The following COBL variants were observed in gnomAD, a reference collection of about 807,000 sequenced individuals.
COBL encodes protein cordon-bleu.
Under a neutral mutation model 98.8 loss-of-function variants are expected in COBL, and 51 were observed. The observed-to-expected ratio is 0.52, with a 90% CI of 0.41 to 0.65. The LOEUF (loss-of-function observed/expected upper bound fraction) is 0.65. Among genes scored for constraint, COBL ranks in the 30% least tolerant of loss-of-function variants. The pLI is 0.00. For missense variants in COBL, 1,617 were observed against 1,617.5 expected, an observed-to-expected ratio of 1.00 and a Z score of 0.01; for synonymous variants, 634 against 651.7, an observed-to-expected ratio of 0.97 and a Z score of 0.41.
intron 5 of COBL, among the ~76,000 whole-genome samples, chr7:51,179,319 C>T (rs1191435799): frequency 6.6e-6 from 1 of 152,082 alleles, no homozygotes; most frequent in Non-Finnish European, 1.5e-5. Flanking sequence ...TCGCTGCAAC[C>T]TTCGCCTCCC....
Position 51,043,491 on chromosome 7 carries a change from G to A in COBL, c.1298C>T (p.Ala433Val), listed in dbSNP as rs758890126. 6.2e-6 allele frequency: 10 copies of A among 1,614,166 alleles called. No homozygotes were observed. In the Admixed American group the frequency reaches 6.7e-5, roughly 11 times the overall value. ...GTCACTGCAGTCTTCCTGGTCTGTGGCCCACTTGTCTTTGTATTTCATGCT... is the reference window on the plus strand; with the variant it reads ...GTCACTGCAGTCTTCCTGGTCTGTGACCCACTTGTCTTTGTATTTCATGCT... ...QDSMKYKDKW[A>V]TDQEDCSDQD... Residue 433 changes from alanine (A) to valine (V), a missense_variant, in exon 8 of 13, where the codon GCC becomes GTC. By Grantham distance (64) the Ala-to-Val change is moderately conservative. Around this residue, in one of 3 missense-constraint regions of COBL, gnomAD observed 1,304 missense variants for 1,282.0 expected, o/e 1.02. Transcript: ENST00000265136.
At chr7:51,026,705 G>A in intron 10 of COBL, 40 bp from the exon 11 acceptor site, 1 of 1,599,862 alleles carries the variant, frequency 6.3e-7, no homozygotes, top group Non-Finnish European at 8.5e-7. Context: ...CTGAGAACAT[G>A]GAGAAATGTG....
intron 2 of COBL, among the ~76,000 whole-genome samples, 169 bp from the exon 3 acceptor site, chr7:51,193,758 A>G (rs551245523): frequency 2.0e-5 from 3 of 152,226 alleles, no homozygotes; most frequent in South Asian, 4.1e-4. Context: ...TTGTAGAGCA[A>G]TATGTTAACA....
intron 1 of COBL, among the ~76,000 whole-genome samples, chr7:51,233,260 C>T (rs1794937051): frequency 6.6e-6 from 1 of 152,284 alleles, no homozygotes; most frequent in South Asian, 2.1e-4. Flanking sequence ...TCAGAAGACC[C>T]ATGGCAAAAC....
intron 6 of COBL, among the ~76,000 whole-genome samples, chr7:51,132,454 T>A (rs888100426): frequency 1.3e-5 from 2 of 152,202 alleles, no homozygotes; most frequent in Non-Finnish European, 2.9e-5. Flanking sequence ...CAGAGGAAAC[T>A]GAGGACTGGA....
intron 4 of COBL, among the ~76,000 whole-genome samples, chr7:51,187,755 A>C (rs1789684838): frequency 6.6e-6 from 1 of 152,056 alleles, no homozygotes; most frequent in Non-Finnish European, 1.5e-5. Context: ...CCAAACCAAA[A>C]TCTCATGTCA....
intron 5 of COBL, among the ~76,000 whole-genome samples, chr7:51,179,197 T>C (rs1010243634): frequency 6.6e-6 from 1 of 152,186 alleles, no homozygotes; most frequent in Non-Finnish European, 1.5e-5. Context: ...ACTGGAAGCA[T>C]TGTTAAATAA....
intron 6 of COBL, among the ~76,000 whole-genome samples, chr7:51,087,419 T>G (rs529467862): frequency 6.6e-6 from 1 of 152,232 alleles, no homozygotes. Flanking sequence ...TTGCATTTCC[T>G]GGAAATTCCC....
intron 1 of COBL, among the ~76,000 whole-genome samples, chr7:51,272,691 C>G (rs1798874499): frequency 6.6e-6 from 1 of 152,094 alleles, no homozygotes; most frequent in Admixed American, 6.5e-5. Context: ...CAAAGGGTTG[C>G]ACAAATTGGA....
chr7:51,021,460 A>C lies in COBL; in HGVS notation c.3768+3649T>G, dbSNP rs928622614. 8.5e-5 allele frequency among the ~76,000 whole-genome samples: 13 copies of C among 152,212 alleles called. No homozygotes were observed. In the East Asian group the frequency reaches 2.3e-3, roughly 27 times the overall value. On this transcript the variant is annotated intron_variant, in intron 12 of 12. Transcript: ENST00000265136. ...ATCCTCCTACCTTCACCTCCCAAGG[A>C]GCTGGGACTACAGGCCCGTGCCACC...
intron 1 of COBL, among the ~76,000 whole-genome samples, chr7:51,220,850 G>A (rs1030132097): frequency 7.9e-5 from 12 of 152,000 alleles, no homozygotes; most frequent in East Asian, 1.9e-4. Flanking sequence ...TCTTGTTTCC[G>A]CCAGATTAGC....
At chr7:51,122,970 G>A (rs1445802302) in intron 6 of COBL, among the ~76,000 whole-genome samples, 1 of 141,072 alleles carries the variant, frequency 7.1e-6, no homozygotes, top group Non-Finnish European at 1.5e-5. Context: ...GCGACAGAGC[G>A]AGACTCCATC....
At chr7:51,148,888 G>T (rs544347712) in intron 5 of COBL, among the ~76,000 whole-genome samples, 1 of 151,856 alleles carries the variant, frequency 6.6e-6, no homozygotes, top group Admixed American at 6.6e-5. Context: ...TTTACTCTGT[G>T]TGTGTGTAAA....
chr7:51,226,815 T>C (rs754472827), intron 1 of COBL, among the ~76,000 whole-genome samples: 8 of 152,174 alleles, frequency 5.3e-5, no homozygotes, highest in Non-Finnish European at 1.2e-4. Flanking sequence ...AAACATGCCA[T>C]GATCCAGCCA....
chr7:51,102,089 G>A (rs561446374), intron 6 of COBL, among the ~76,000 whole-genome samples: 6 of 152,192 alleles, frequency 3.9e-5, no homozygotes, highest in Non-Finnish European at 5.9e-5. Context: ...ATCAGTCACC[G>A]AGTCTTCTGG....
chr7:51,024,674 T>C (rs1220356042), intron 12 of COBL, among the ~76,000 whole-genome samples: 1 of 151,748 alleles, frequency 6.6e-6, no homozygotes, highest in Non-Finnish European at 1.5e-5. Flanking sequence ...AATGAATGAA[T>C]GAATGAATGA....
chr7:51,031,114 T>A, intron 8 of COBL: 1 of 582,684 alleles, frequency 1.7e-6, no homozygotes, highest in Non-Finnish European at 3.0e-6. Context: ...CAGGTATGTG[T>A]GGGATGCGTG....
At chr7:51,222,080 T>C (rs112241588) in intron 1 of COBL, among the ~76,000 whole-genome samples, 1,620 of 152,204 alleles carry the variant, frequency 0.011, 26 homozygotes, top group African/African-American at 0.037. Flanking sequence ...TCCCAGCCAG[T>C]TGGGAGCCTC....
At chr7:51,035,036 C>T (rs901933726) in intron 8 of COBL, 1 of 152,266 alleles carries the variant, frequency 6.6e-6, no homozygotes, top group Non-Finnish European at 1.5e-5. Flanking sequence ...AGTTTCAAAC[C>T]AGAGTCTGCC....
Sources: gnomAD v4.1 joint callset for allele counts (sites outside exome capture counted in the v4.1 genomes callset) on GRCh38, gnomAD v4.1.1 for gene constraint, gnomAD v4.1.1 regional missense constraint, MANE v1.5 for transcripts, NCBI Gene and HGNC (gene_info 2026-07-23, HGNC 2026-07-21) for gene names.